Variants in ADGRB3 observed in about 807,000 individuals in gnomAD.
The protein encoded by ADGRB3 is adhesion G protein-coupled receptor B3, also known as brain-specific angiogenesis inhibitor 3.
ADGRB3 carries 37 observed loss-of-function variants against 193.4 expected under a neutral mutation model. That is an observed-to-expected ratio of 0.19 (90% CI 0.15 to 0.25). The LOEUF (loss-of-function observed/expected upper bound fraction) is 0.25. Ranked by LOEUF, ADGRB3 falls within the 10% of genes least tolerant of loss-of-function variation. The pLI is 1.00. For synonymous variants in ADGRB3, 690 were observed against 644.2 expected (o/e 1.07, Z -1.08); for missense variants, 1,637 against 1,852.9 (o/e 0.88, Z 2.14).
intron 17 of ADGRB3, among the ~76,000 whole-genome samples, chr6:69,105,363 G>A (rs1283273422): frequency 6.6e-6 from 1 of 152,104 alleles, no homozygotes; most frequent in East Asian, 1.9e-4. Flanking sequence ...CAGTGCTTCT[G>A]CTGCTATTTT....
intron 13 of ADGRB3, among the ~76,000 whole-genome samples, chr6:69,040,454 G>A (rs1162107364): frequency 1.3e-5 from 2 of 150,144 alleles, no homozygotes; most frequent in South Asian, 2.1e-4. Flanking sequence ...AAGTGAATAG[G>A]TGTGGCTGCA....
rs191028185 is a variant in ADGRB3 at position 69,113,289 on chromosome 6, A to C, written c.2480+37251A>C. Among the ~76,000 whole-genome samples the C allele has an allele frequency of 5.9e-5, 9 of 151,972 alleles. No homozygotes were observed. The East Asian group carries it at 1.6e-3, about 26-fold the overall frequency. On this transcript the variant is annotated intron_variant, in intron 17 of 31. Coordinates refer to ENST00000370598, the MANE Select transcript of ADGRB3 (RefSeq NM_001704.3). ...ATGTATCACACATATTTATATGTAC[A>C]ATATACATATGTATCACACATATAT...
intron 24 of ADGRB3, 58 bp downstream of exon 24, chr6:69,333,066 T>G (rs1309106182): frequency 7.1e-6 from 11 of 1,556,636 alleles, no homozygotes; most frequent in Non-Finnish European, 9.7e-6. Flanking sequence ...ATACTCCAAT[T>G]TCAGACCATC....
At chr6:68,808,705 TATC>T (rs1185299152) in intron 3 of ADGRB3, among the ~76,000 whole-genome samples, 1 of 150,432 alleles carries the variant, frequency 6.6e-6, no homozygotes, top group Non-Finnish European at 1.5e-5. Flanking sequence ...CAATGGTAGA[TATC>T]ATAAGGAAAG....
intron 3 of ADGRB3, among the ~76,000 whole-genome samples, chr6:68,890,893 T>C (rs1193973935): frequency 6.6e-6 from 1 of 152,304 alleles, no homozygotes; most frequent in African/African-American, 2.4e-5. Flanking sequence ...AAAGATAGTA[T>C]AAGCTAACTT....
intron 20 of ADGRB3, among the ~76,000 whole-genome samples, chr6:69,291,728 T>C (rs915354368): frequency 1.3e-5 from 2 of 151,946 alleles, no homozygotes; most frequent in Non-Finnish European, 2.9e-5. Context: ...AATGAAGGGG[T>C]TCAGGATACA....
At chr6:69,319,990 C>T (rs1346203113) in intron 20 of ADGRB3, among the ~76,000 whole-genome samples, 3 of 151,182 alleles carry the variant, frequency 2.0e-5, no homozygotes, top group Non-Finnish European at 4.4e-5. Flanking sequence ...AGTTTGTTGT[C>T]CTCTTGCTTA....
intron 11 of ADGRB3, among the ~76,000 whole-genome samples, chr6:69,012,090 T>G (rs1404768088): frequency 6.6e-6 from 1 of 152,102 alleles, no homozygotes; most frequent in Non-Finnish European, 1.5e-5. Flanking sequence ...AAAAAAGAAC[T>G]GAACTCTGAA....
chr6:68,741,410 C>T (rs1765977925), intron 3 of ADGRB3, among the ~76,000 whole-genome samples: 1 of 152,038 alleles, frequency 6.6e-6, no homozygotes. Context: ...CAGGGCCTGG[C>T]TCTGTTGCCC....
intron 11 of ADGRB3, among the ~76,000 whole-genome samples, chr6:69,000,603 A>C (rs1294088985): frequency 1.3e-5 from 2 of 152,198 alleles, no homozygotes; most frequent in East Asian, 1.9e-4. Flanking sequence ...AAAAAGCCCC[A>C]AAAGTATGAA....
intron 17 of ADGRB3, among the ~76,000 whole-genome samples, chr6:69,093,583 T>A (rs913238885): frequency 6.7e-6 from 1 of 149,662 alleles, no homozygotes; most frequent in Non-Finnish European, 1.5e-5. Context: ...AGGCCAAGGT[T>A]CAGGGAAAGA....
At chr6:69,162,635 A>G (rs1371529927) in intron 17 of ADGRB3, among the ~76,000 whole-genome samples, 1 of 152,124 alleles carries the variant, frequency 6.6e-6, no homozygotes, top group East Asian at 1.9e-4. Context: ...CAAGGACACA[A>G]TAACTTAAAG....
intron 3 of ADGRB3, among the ~76,000 whole-genome samples, chr6:68,768,631 G>A (rs1313305403): frequency 6.6e-6 from 1 of 152,108 alleles, no homozygotes; most frequent in Non-Finnish European, 1.5e-5. Context: ...ATAGGCATGG[G>A]CAAAGGCTTC....
intron 30 of ADGRB3, among the ~76,000 whole-genome samples, chr6:69,382,394 G>T (rs942933012): frequency 1.3e-5 from 2 of 151,938 alleles, no homozygotes; most frequent in African/African-American, 4.8e-5. Flanking sequence ...AGTACAGCCA[G>T]CTAGGATTTT....
intron 3 of ADGRB3, among the ~76,000 whole-genome samples, chr6:68,772,666 A>G (rs919905037): frequency 1.3e-5 from 2 of 151,664 alleles, no homozygotes; most frequent in Admixed American, 1.3e-4. Context: ...AAACATCTCG[A>G]CACAAATTAC....
At chr6:68,646,138 G>T (rs1226423539) in intron 3 of ADGRB3, among the ~76,000 whole-genome samples, 2 of 152,094 alleles carry the variant, frequency 1.3e-5, no homozygotes, top group African/African-American at 4.8e-5. Context: ...AAATTACCCA[G>T]ACATGATGAC....
At chr6:68,720,985 T>A in intron 3 of ADGRB3, among the ~76,000 whole-genome samples, 1 of 151,880 alleles carries the variant, frequency 6.6e-6, no homozygotes, top group Admixed American at 6.6e-5. Context: ...GATATACACC[T>A]AAATGGATGT....
In ADGRB3 at chr6:69,102,364, T is replaced by C. The variant is rs1189403748; in HGVS notation, c.2480+26326T>C. On this transcript the variant is annotated intron_variant, in intron 17 of 31. Transcript: ENST00000370598. The stretch of plus-strand genomic sequence containing the variant: ...GCATTAAGTAAGTCAGTATGGTGAG[T>C]ACCCTAGAATGAGCGTGGAAACATA... 2.0e-5 allele frequency among the ~76,000 whole-genome samples: 3 copies of C among 152,140 alleles called. 1 individual carries two copies. Among genetic ancestry groups the C allele is most frequent in the African/African-American group, 7.2e-5 (3 of 41,426 alleles).
intron 17 of ADGRB3, among the ~76,000 whole-genome samples, chr6:69,078,141 T>TCC (rs1352291417): frequency 3.9e-5 from 6 of 152,032 alleles, no homozygotes; most frequent in African/African-American, 1.4e-4. Context: ...ACGGCTGTCT[T>TCC]AAATATTTTC....
Sources: allele counts gnomAD v4.1 joint callset (sites outside exome capture counted in the v4.1 genomes callset), GRCh38; gene constraint gnomAD v4.1.1; transcripts MANE v1.5; gene names NCBI Gene and HGNC (gene_info 2026-07-23, HGNC 2026-07-21).